Variants in DYTN observed in about 807,000 individuals in gnomAD.
DYTN encodes dystrotelin.
A neutral mutation model predicts 69.6 loss-of-function variants in DYTN; 75 were observed. The observed-to-expected ratio is 1.08, with a 90% CI of 0.89 to 1.31. DYTN has a LOEUF of 1.31. Among genes scored for constraint, DYTN ranks in the 50% most tolerant of loss-of-function variants. The pLI, the probability that DYTN is intolerant of heterozygous loss-of-function variation, is 0.00. For missense variants in DYTN, 726 were observed against 688.4 expected, an observed-to-expected ratio of 1.05 and a Z score of -0.61; for synonymous variants, 252 against 249.1, an observed-to-expected ratio of 1.01 and a Z score of -0.11.
chr2:206,659,112 G>T (rs1574585574), intron 11 of DYTN, among the ~76,000 whole-genome samples: 1 of 148,456 alleles, frequency 6.7e-6, no homozygotes. Context: ...ATTTAAAGAG[G>T]TTTGTGGAAC....
chr2:206,713,393 A>T (rs1700097444), intron 1 of DYTN, among the ~76,000 whole-genome samples: 1 of 152,202 alleles, frequency 6.6e-6, no homozygotes, highest in Non-Finnish European at 1.5e-5. Context: ...TTTCTGCCAC[A>T]ATCGCTGAAG....
chr2:206,716,534 A>G (rs1345114935), intron 1 of DYTN, among the ~76,000 whole-genome samples: 4 of 152,050 alleles, frequency 2.6e-5, no homozygotes, highest in African/African-American at 7.2e-5. Context: ...TATAACTACA[A>G]TTTGCTCTAA....
chr2:206,684,846 A>G (rs919983612), intron 9 of DYTN, among the ~76,000 whole-genome samples: 14 of 152,154 alleles, frequency 9.2e-5, no homozygotes, highest in Non-Finnish European at 2.1e-4. Flanking sequence ...ATGTCATATG[A>G]GCATAAAAGA....
Position 206,699,761 on chromosome 2 carries a change from T to G in DYTN, c.685A>C (p.Thr229Pro). The change falls in exon 7 of 12, where the codon ACT becomes CCT. Residue 229 changes from threonine to proline, a missense_variant. Thr to Pro is a conservative substitution (Grantham distance 38, BLOSUM62 -1). Transcript: ENST00000452335. ...GTGATTGGGAAAGTCCTGCAGAGAGTGCACCGAGCAGGGTGAGTGACCCTT... is the reference window on the plus strand; with the variant it reads ...GTGATTGGGAAAGTCCTGCAGAGAGGGCACCGAGCAGGGTGAGTGACCCTT... The part of the protein sequence containing the change: ...AERVTHPARC[T>P]LCRTFPITGL... 1.2e-6 allele frequency: 2 copies of G among 1,613,512 alleles called. No individual in the cohort carries two copies. Among genetic ancestry groups the G allele is most frequent in the Non-Finnish European group, 1.7e-6 (2 of 1,179,752 alleles).
chr2:206,694,922 GA>G (rs71410896), intron 7 of DYTN, 45 bp from the exon 8 acceptor site: 138,259 of 698,620 alleles, frequency 0.2, 499 homozygotes, highest in Admixed American at 0.22. Flanking sequence ...TAGTAGATGA[GA>G]AAAAAAAAAA....
At chr2:206,659,010 G>A in intron 11 of DYTN, among the ~76,000 whole-genome samples, 1 of 147,570 alleles carries the variant, frequency 6.8e-6, no homozygotes, top group Admixed American at 6.8e-5. Flanking sequence ...TGCCACAGCA[G>A]AGGCAAGGAA....
intron 11 of DYTN, among the ~76,000 whole-genome samples, chr2:206,653,225 CAATA>C (rs1699407608): frequency 1.3e-5 from 2 of 152,090 alleles, no homozygotes; most frequent in Non-Finnish European, 2.9e-5. Context: ...TAAAATATAG[CAATA>C]AATAAATAGG....
Position 206,708,930 on chromosome 2 carries a change from T to C in DYTN, c.95-1427A>G, listed in dbSNP as rs182090288. Among the ~76,000 whole-genome samples, 124 of 152,292 alleles carry C rather than the reference T, an allele frequency of 8.1e-4. 1 individual carries two copies. Among genetic ancestry groups the C allele is most frequent in the African/African-American group, 2.8e-3 (117 of 41,552 alleles). ...CATCCACAAATTACGCTACGGAACA[T>C]ACTCAGGCATTCGTGACTGGGACAT... On this transcript the variant is annotated intron_variant, in intron 2 of 11. Coordinates refer to ENST00000452335, the MANE Select transcript of DYTN (RefSeq NM_001093730.1).
At chr2:206,662,506 G>A (rs1031622400) in intron 11 of DYTN, among the ~76,000 whole-genome samples, 3 of 151,884 alleles carry the variant, frequency 2.0e-5, no homozygotes, top group African/African-American at 7.3e-5. Context: ...TTATAACATA[G>A]AAACTGCAAT....
In DYTN at chr2:206,686,326, T is replaced by G. The variant is rs74399790; in HGVS notation, c.980+6849A>C. Among the ~76,000 whole-genome samples the G allele has an allele frequency of 2.4e-4, 37 of 152,346 alleles. 1 individual carries two copies. In the East Asian group the frequency reaches 7.1e-3, roughly 29 times the overall value. On this transcript the variant is annotated intron_variant, in intron 9 of 11. Transcript: ENST00000452335. ...AGAAAAGATATGATTAAAGGTGACT[T>G]TTGGAAGTAGAAGCCTCGAAGAAAT...
intron 11 of DYTN, among the ~76,000 whole-genome samples, chr2:206,662,169 T>C (rs1699519123): frequency 6.6e-6 from 1 of 152,224 alleles, no homozygotes; most frequent in Non-Finnish European, 1.5e-5. Flanking sequence ...TTGATGATTT[T>C]GCCCAATTAT....
chr2:206,696,238 T>C (rs1249747756), intron 7 of DYTN, among the ~76,000 whole-genome samples: 1 of 152,138 alleles, frequency 6.6e-6, no homozygotes, highest in African/African-American at 2.4e-5. Flanking sequence ...AAGATTGGGA[T>C]GAGTAAGAAG....
intron 5 of DYTN, 56 bp from the exon 6 acceptor site, chr2:206,700,272 G>A (rs16838601): frequency 0.052 from 83,523 of 1,596,568 alleles, 3,947 homozygotes; most frequent in East Asian, 0.22. Context: ...TGTCGTCTCC[G>A]GGAGCAGCAG....
intron 11 of DYTN, among the ~76,000 whole-genome samples, chr2:206,660,207 T>G (rs562809182): frequency 2.0e-5 from 3 of 152,344 alleles, no homozygotes; most frequent in Non-Finnish European, 4.4e-5. Context: ...TATACATTAT[T>G]GCATCAACTG....
chr2:206,674,001 T>C (rs1699655510), intron 9 of DYTN, among the ~76,000 whole-genome samples: 1 of 152,222 alleles, frequency 6.6e-6, no homozygotes, highest in African/African-American at 2.4e-5. Flanking sequence ...AGCACACTAC[T>C]GTTGCAATTA....
At chr2:206,715,760 G>A (rs2105904041) in intron 1 of DYTN, among the ~76,000 whole-genome samples, 1 of 152,276 alleles carries the variant, frequency 6.6e-6, no homozygotes, top group African/African-American at 2.4e-5. Context: ...AGTTCAAGGG[G>A]GCTGTAGGCA....
intron 11 of DYTN, among the ~76,000 whole-genome samples, chr2:206,654,889 C>T (rs980508401): frequency 5.3e-5 from 8 of 152,174 alleles, no homozygotes; most frequent in Non-Finnish European, 1.0e-4. Context: ...TAACCATGCT[C>T]TCGTACATAT....
intron 2 of DYTN, among the ~76,000 whole-genome samples, chr2:206,710,263 A>C (rs1182557022): frequency 1.3e-5 from 2 of 152,210 alleles, no homozygotes; most frequent in African/African-American, 4.8e-5. Context: ...GAAGAAGCCA[A>C]GTGGAGAAAA....
chr2:206,706,495 T>TAA (rs77632434), intron 3 of DYTN, among the ~76,000 whole-genome samples: 3 of 144,966 alleles, frequency 2.1e-5, no homozygotes, highest in Non-Finnish European at 3.0e-5. Flanking sequence ...TAAAAAAAAT[T>TAA]AAAAAAAAAA....
Sources: gnomAD v4.1 joint callset for allele counts (sites outside exome capture counted in the v4.1 genomes callset) on GRCh38, gnomAD v4.1.1 for gene constraint, MANE v1.5 for transcripts, NCBI Gene and HGNC (gene_info 2026-07-23, HGNC 2026-07-21) for gene names.